ALCAM: variants seen among roughly 807,000 people sequenced by gnomAD.
ALCAM encodes CD166 antigen.
Under a neutral mutation model 70.9 loss-of-function variants are expected in ALCAM, and 30 were observed. The observed-to-expected ratio is 0.42, with a 90% CI of 0.32 to 0.57. The LOEUF is 0.57. Ranked by LOEUF, ALCAM falls within the 20% of genes least tolerant of loss-of-function variation. The pLI is 0.11. For synonymous variants in ALCAM, 249 were observed against 242.5 expected, an observed-to-expected ratio of 1.03 and a Z score of -0.25; for missense variants, 591 against 695.1, an observed-to-expected ratio of 0.85 and a Z score of 1.68.
At chr3:105,396,808 G>A (rs1334329194) in intron 1 of ALCAM, among the ~76,000 whole-genome samples, 12 of 151,948 alleles carry the variant, frequency 7.9e-5, no homozygotes, top group Non-Finnish European at 1.6e-4. Context: ...ATAGCCTCTG[G>A]ATTCATTTCT....
chr3:105,519,413 C>G (rs938670395), intron 1 of ALCAM, among the ~76,000 whole-genome samples: 1 of 151,884 alleles, frequency 6.6e-6, no homozygotes, highest in African/African-American at 2.4e-5. Context: ...CACATAATCA[C>G]TTTGTAAATA....
intron 1 of ALCAM, among the ~76,000 whole-genome samples, chr3:105,390,254 A>G (rs923842464): frequency 2.6e-5 from 4 of 151,956 alleles, no homozygotes; most frequent in Non-Finnish European, 4.4e-5. Context: ...CATCTGCAGC[A>G]TCTGTTGTTT....
chr3:105,450,354 A>G lies in ALCAM; in HGVS notation c.74-69713A>G, dbSNP rs186380650. On this transcript the variant is annotated intron_variant, in intron 1 of 15. Transcript: ENST00000306107. ...CTCTCCAGAGCAGGGACGTTTTGAT[A>G]GAAGTTGCAGCACAAATCTCATACC... Among the ~76,000 whole-genome samples, 580 of 152,290 alleles carry G rather than the reference A, an allele frequency of 3.8e-3. 5 individuals carry two copies. Among genetic ancestry groups the G allele is most frequent in the Non-Finnish European group, 3.3e-3 (224 of 68,020 alleles).
chr3:105,546,371 C>A (rs1481299923), intron 9 of ALCAM, among the ~76,000 whole-genome samples: 1 of 151,362 alleles, frequency 6.6e-6, no homozygotes, highest in Non-Finnish European at 1.5e-5. Context: ...TCCTTTTTAA[C>A]ACTCGATCCT....
At chr3:105,449,773 G>A (rs1050925944) in intron 1 of ALCAM, among the ~76,000 whole-genome samples, 1 of 151,926 alleles carries the variant, frequency 6.6e-6, no homozygotes, top group Non-Finnish European at 1.5e-5. Flanking sequence ...AGCTTTATAG[G>A]ATTTACATTT....
intron 1 of ALCAM, among the ~76,000 whole-genome samples, chr3:105,426,391 C>G (rs1473611528): frequency 6.6e-6 from 1 of 151,576 alleles, no homozygotes; most frequent in Non-Finnish European, 1.5e-5. Flanking sequence ...ATGGTATGTA[C>G]CATATTTATG....
At chr3:105,441,226 C>CT (rs1022445877) in intron 1 of ALCAM, among the ~76,000 whole-genome samples, 49 of 144,398 alleles carry the variant, frequency 3.4e-4, no homozygotes, top group East Asian at 6.0e-4. Context: ...TTTACATTTT[C>CT]TTTTTTTTTT....
At chr3:105,436,321 T>C (rs1234644284) in intron 1 of ALCAM, among the ~76,000 whole-genome samples, 1 of 152,114 alleles carries the variant, frequency 6.6e-6, no homozygotes, top group Non-Finnish European at 1.5e-5. Flanking sequence ...ACAACTTCAG[T>C]GTAAACAGTT....
Position 105,521,329 on chromosome 3 carries a change from A to G in ALCAM, c.174+1162A>G, listed in dbSNP as rs903576818. ...TCTCAAAAAAAAAAAAAAAAAAAAA[A>G]AAAGTTTATTGCATCACTTCTCGGA... On this transcript the variant is annotated intron_variant, in intron 2 of 15. Transcript: ENST00000306107. Among the ~76,000 whole-genome samples, 29 of 151,310 alleles carry G rather than the reference A, an allele frequency of 1.9e-4. No homozygotes were observed. The East Asian group carries it at 5.4e-3, about 28-fold the overall frequency.
At chr3:105,549,828 A>G (rs1344767460) in intron 11 of ALCAM, among the ~76,000 whole-genome samples, 3 of 151,428 alleles carry the variant, frequency 2.0e-5, no homozygotes, top group Non-Finnish European at 4.4e-5. Context: ...AATTATTTTG[A>G]AACAAGTATC....
At chr3:105,435,117 T>C (rs1937021422) in intron 1 of ALCAM, among the ~76,000 whole-genome samples, 1 of 152,202 alleles carries the variant, frequency 6.6e-6, no homozygotes, top group African/African-American at 2.4e-5. Context: ...CCTCAGGTCA[T>C]TTTAGGCTTC....
rs1207682780 is a variant in ALCAM, at chr3:105,445,902, C to T, written c.74-74165C>T. Among the ~76,000 whole-genome samples, 6 of 152,258 alleles carry T rather than the reference C, an allele frequency of 3.9e-5. No homozygotes were observed. The East Asian group carries it at 9.6e-4, about 24-fold the overall frequency. On this transcript the variant is annotated intron_variant, in intron 1 of 15. Coordinates refer to ENST00000306107, the MANE Select transcript of ALCAM (RefSeq NM_001627.4). Reference sequence around the variant, plus strand: ...GGAAGGAAACCTAGGAGAAATGCTTCATGACATTGGTCTGGGCAAGGATTT... The same window carrying T: ...GGAAGGAAACCTAGGAGAAATGCTTTATGACATTGGTCTGGGCAAGGATTT...
intron 9 of ALCAM, 143 bp downstream of exon 9, chr3:105,545,478 G>A: frequency 1.7e-6 from 1 of 572,908 alleles, no homozygotes; most frequent in East Asian, 3.0e-5. Flanking sequence ...TCTGATAAGA[G>A]AAATAAAATA....
chr3:105,535,973 G>C (rs1410911617), intron 6 of ALCAM, among the ~76,000 whole-genome samples: 1 of 151,906 alleles, frequency 6.6e-6, no homozygotes, highest in Non-Finnish European at 1.5e-5. Context: ...TTAAAAGGTA[G>C]TTTTGCCTTA....
intron 14 of ALCAM, among the ~76,000 whole-genome samples, chr3:105,558,327 A>T (rs1255005252): frequency 1.3e-5 from 2 of 152,098 alleles, no homozygotes; most frequent in East Asian, 3.9e-4. Flanking sequence ...TGCTTGGAAA[A>T]CCTAAAATCT....
At chr3:105,391,076 G>A (rs996882733) in intron 1 of ALCAM, among the ~76,000 whole-genome samples, 1 of 151,896 alleles carries the variant, frequency 6.6e-6, no homozygotes, top group South Asian at 2.1e-4. Context: ...TTGGCTATAT[G>A]GGCACTTTTT....
chr3:105,570,707 A>G (rs1240114328), intron 14 of ALCAM, among the ~76,000 whole-genome samples: 1 of 152,220 alleles, frequency 6.6e-6, no homozygotes, highest in Non-Finnish European at 1.5e-5. Flanking sequence ...GAGAATGAAC[A>G]ATCTATAATC....
Position 105,392,466 on chromosome 3 carries a change from T to G in ALCAM, c.73+24985T>G, listed in dbSNP as rs183912364. On this transcript the variant is annotated intron_variant, in intron 1 of 15. Coordinates refer to ENST00000306107, the MANE Select transcript of ALCAM (RefSeq NM_001627.4). The stretch of plus-strand genomic sequence containing the variant: ...GTCTGTTTGATTGTTCTCTCTTTTT[T>G]TCTTTATTAGTCTAGCTAGCAGGCT... 3.9e-3 allele frequency among the ~76,000 whole-genome samples: 589 copies of G among 151,918 alleles called. 3 individuals carry two copies. The highest frequency in any genetic ancestry group is 6.1e-3 in the Non-Finnish European group (415 of 67,900).
chr3:105,383,692 A>G (rs946440056), intron 1 of ALCAM, among the ~76,000 whole-genome samples: 1 of 151,724 alleles, frequency 6.6e-6, no homozygotes, highest in Non-Finnish European at 1.5e-5. Context: ...TGCCAATCCA[A>G]GTTAACATAA....
Sources: allele counts gnomAD v4.1 joint callset (sites outside exome capture counted in the v4.1 genomes callset), GRCh38; gene constraint gnomAD v4.1.1; transcripts MANE v1.5; gene names NCBI Gene and HGNC (gene_info 2026-07-23, HGNC 2026-07-21).